Variants in OSTF1 observed in about 807,000 individuals in gnomAD.
The protein encoded by OSTF1 is osteoclast stimulating factor 1, also known as osteoclast-stimulating factor 1.
In OSTF1, 27 loss-of-function variants were observed where a neutral mutation model predicts 37.2. That is an observed-to-expected ratio of 0.73 (90% CI 0.54 to 1.00). The LOEUF (loss-of-function observed/expected upper bound fraction) is 1.00, where lower values mean the gene tolerates loss of function less well. OSTF1 is among the 50% of genes least tolerant of loss of function. The pLI, the probability that OSTF1 is intolerant of heterozygous loss-of-function variation, is 0.00. For synonymous variants in OSTF1, 82 were observed against 89.2 expected, an observed-to-expected ratio of 0.92 and a Z score of 0.46; for missense variants, 232 against 253.8, an observed-to-expected ratio of 0.91 and a Z score of 0.58.
At chr9:75,090,363 A>C (rs1824951080) in intron 1 of OSTF1, among the ~76,000 whole-genome samples, 1 of 151,698 alleles carries the variant, frequency 6.6e-6, no homozygotes, top group Non-Finnish European at 1.5e-5. Flanking sequence ...GTTCATTCAC[A>C]CTTGGGGGTT....
At position 75,117,427 on chromosome 9, in the gene OSTF1, A is replaced by G. The variant is rs1825508496; in HGVS notation, c.35-77A>G. The G allele has an allele frequency of 5.2e-6, 5 of 953,432 alleles. No individual in the cohort carries two copies. The East Asian group carries it at 1.2e-4, about 23-fold the overall frequency. The allele number at this position is 953,432 out of a possible 1,614,324, so 59.1% of individuals were successfully genotyped here. On this transcript the variant is annotated intron_variant, in intron 1 of 9. Coordinates refer to ENST00000346234, the MANE Select transcript of OSTF1 (RefSeq NM_012383.5). ...TGGGTTTTTAATTAGGGAATTCTGA[A>G]GGATATAATGGATAATGCTATTAAG...
At chr9:75,091,054 C>G (rs1211433666) in intron 1 of OSTF1, among the ~76,000 whole-genome samples, 1 of 150,998 alleles carries the variant, frequency 6.6e-6, no homozygotes, top group Non-Finnish European at 1.5e-5. Context: ...GTATTAAAAC[C>G]CAGGTAGTCT....
chr9:75,132,994 CACACACACACACACACA>C (rs1564167170), intron 5 of OSTF1, among the ~76,000 whole-genome samples: 24 of 85,514 alleles, frequency 2.8e-4, no homozygotes, highest in African/African-American at 9.2e-4. Context: ...CACACACACA[CACACACACACACACACA>C]CCCCTATATA....
At chr9:75,098,665 A>C (rs758497236) in intron 1 of OSTF1, among the ~76,000 whole-genome samples, 4 of 152,224 alleles carry the variant, frequency 2.6e-5, no homozygotes, top group Non-Finnish European at 5.9e-5. Context: ...ACTAGATTTT[A>C]GAAATTCTCT....
intron 1 of OSTF1, among the ~76,000 whole-genome samples, chr9:75,089,276 A>G (rs1824894340): frequency 1.4e-5 from 2 of 144,112 alleles, no homozygotes; most frequent in Admixed American, 1.5e-4. Context: ...AAAACCCTAT[A>G]CTCGCGCTCC....
intron 4 of OSTF1, 38 bp downstream of exon 4, chr9:75,130,679 A>G: frequency 6.9e-7 from 1 of 1,447,300 alleles, no homozygotes; most frequent in East Asian, 2.3e-5. Context: ...AGCTTCGTTC[A>G]CTTGGAATTT....
At chr9:75,101,414 AGAT>A (rs1312453057) in intron 1 of OSTF1, among the ~76,000 whole-genome samples, 1 of 152,230 alleles carries the variant, frequency 6.6e-6, no homozygotes, top group African/African-American at 2.4e-5. Flanking sequence ...CTTAGTGAGT[AGAT>A]GATCTTGGAA....
chr9:75,091,234 C>T (rs868147348), intron 1 of OSTF1, among the ~76,000 whole-genome samples: 19 of 151,828 alleles, frequency 1.3e-4, no homozygotes, highest in African/African-American at 3.6e-4. Flanking sequence ...ACAGGCAGCC[C>T]GCCACCATGC....
intron 1 of OSTF1, among the ~76,000 whole-genome samples, chr9:75,103,954 C>G (rs560830570): frequency 1.1e-4 from 16 of 152,208 alleles, no homozygotes; most frequent in African/African-American, 3.4e-4. Flanking sequence ...ATGGGCTGGG[C>G]GTTATGGCTC....
intron 7 of OSTF1, among the ~76,000 whole-genome samples, chr9:75,137,287 G>T (rs1434447229): frequency 6.6e-6 from 1 of 152,070 alleles, no homozygotes; most frequent in Non-Finnish European, 1.5e-5. Flanking sequence ...CCCTCCGCAG[G>T]CATGTGCTTT....
intron 1 of OSTF1, among the ~76,000 whole-genome samples, chr9:75,093,645 T>G (rs1825021757): frequency 1.3e-5 from 2 of 152,202 alleles, no homozygotes; most frequent in South Asian, 4.1e-4. Context: ...AGTAAAAACA[T>G]CATAAAACTT....
intron 9 of OSTF1, among the ~76,000 whole-genome samples, chr9:75,141,312 C>CAAAAAAAAAAAAAAAAAAAAA (rs529293090): frequency 4.0e-4 from 29 of 71,676 alleles, no homozygotes; most frequent in Admixed American, 7.5e-4. Context: ...AAAAGAAAAC[C>CAAAAAAAAAAAAAAAAAAAAA]AAAAAAAAAA....
chr9:75,120,230 G>T (rs1825557648), intron 2 of OSTF1, among the ~76,000 whole-genome samples: 1 of 152,260 alleles, frequency 6.6e-6, no homozygotes, highest in South Asian at 2.1e-4. Context: ...TGTACTGGGG[G>T]TTTGGACTCT....
At chr9:75,134,760 G>A (rs559055670) in intron 7 of OSTF1, among the ~76,000 whole-genome samples, 1 of 152,252 alleles carries the variant, frequency 6.6e-6, no homozygotes, top group East Asian at 1.9e-4. Flanking sequence ...CACCAAGCCT[G>A]TTCTCCTCTG....
At chr9:75,111,333 A>C (rs145919841) in intron 1 of OSTF1, among the ~76,000 whole-genome samples, 15 of 152,212 alleles carry the variant, frequency 9.9e-5, no homozygotes, top group African/African-American at 3.4e-4. Flanking sequence ...ACTCCAGAGG[A>C]AAATACAGTG....
At position 75,137,520 on chromosome 9, in the gene OSTF1, C is replaced by T; in HGVS notation, c.409-18C>T. On this transcript the variant is annotated intron_variant, in intron 7 of 9. Coordinates refer to ENST00000346234, the MANE Select transcript of OSTF1 (RefSeq NM_012383.5). Reference sequence around the variant, plus strand: ...CCCTCTATCTTAAAAATGGTACTTTCTCTTTTTATCACTATAGAACAAGTT... The same window carrying T: ...CCCTCTATCTTAAAAATGGTACTTTTTCTTTTTATCACTATAGAACAAGTT... The T allele has an allele frequency of 1.9e-6, 3 of 1,547,792 alleles. No homozygotes were observed. Among genetic ancestry groups the T allele is most frequent in the Non-Finnish European group, 2.7e-6 (3 of 1,120,112 alleles).
chr9:75,115,642 TTTG>T (rs1290799810), intron 1 of OSTF1, among the ~76,000 whole-genome samples: 4 of 92,336 alleles, frequency 4.3e-5, no homozygotes, highest in Non-Finnish European at 7.5e-5. Flanking sequence ...CCCCCCTTTT[TTTG>T]TTTTTTTTTT....
intron 8 of OSTF1, among the ~76,000 whole-genome samples, chr9:75,139,129 G>A (rs1462943446): frequency 5.4e-5 from 8 of 148,310 alleles, no homozygotes; most frequent in African/African-American, 1.5e-4. Flanking sequence ...TGCAACCTCC[G>A]CCTCCAGGGC....
intron 5 of OSTF1, among the ~76,000 whole-genome samples, chr9:75,132,205 G>T (rs190745877): frequency 2.1e-3 from 318 of 152,250 alleles, no homozygotes; most frequent in African/African-American, 7.3e-3. Flanking sequence ...GGCCGTAGAG[G>T]CCCAGGTGAG....
Sources: allele counts gnomAD v4.1 joint callset (sites outside exome capture counted in the v4.1 genomes callset), GRCh38; gene constraint gnomAD v4.1.1; transcripts MANE v1.5; gene names NCBI Gene and HGNC (gene_info 2026-07-23, HGNC 2026-07-21).